Variants in ADAMTS3 observed in about 807,000 individuals in gnomAD.
ADAMTS3 encodes the protein A disintegrin and metalloproteinase with thrombospondin motifs 3.
ADAMTS3 carries 73 observed loss-of-function variants against 129.0 expected under a neutral mutation model. That is an observed-to-expected ratio of 0.57 (90% CI 0.47 to 0.69). The LOEUF is 0.69. ADAMTS3 is among the 30% of genes least tolerant of loss of function. The probability of loss-of-function intolerance (pLI) is 0.00; values close to 1 mark genes in which losing one functional copy is unlikely to be tolerated. For missense variants in ADAMTS3, 1,457 were observed against 1,514.5 expected (o/e 0.96, Z 0.63); for synonymous variants, 477 against 510.8 (o/e 0.93, Z 0.89).
intron 5 of ADAMTS3, among the ~76,000 whole-genome samples, chr4:72,324,887 AG>A: frequency 6.6e-6 from 1 of 152,266 alleles, no homozygotes; most frequent in East Asian, 1.9e-4. Flanking sequence ...AATGGTTAAA[AG>A]CCTGAATGTC....
chr4:72,366,597 T>C (rs948436935), intron 4 of ADAMTS3, among the ~76,000 whole-genome samples: 1 of 152,144 alleles, frequency 6.6e-6, no homozygotes, highest in Non-Finnish European at 1.5e-5. Flanking sequence ...TTATATGCCA[T>C]ATCTAAGGGG....
chr4:72,523,320 T>C (rs1720724083), intron 3 of ADAMTS3, among the ~76,000 whole-genome samples: 1 of 152,072 alleles, frequency 6.6e-6, no homozygotes, highest in Non-Finnish European at 1.5e-5. Flanking sequence ...GCATAATTTC[T>C]AAAGTTCCTT....
At chr4:72,501,944 G>A (rs184870011) in intron 3 of ADAMTS3, among the ~76,000 whole-genome samples, 5 of 55,726 alleles carry the variant, frequency 9.0e-5, no homozygotes, top group Non-Finnish European at 1.5e-4. Flanking sequence ...AACAAACCTC[G>A]CATCCCAGCA....
chr4:72,454,153 G>T (rs911413325), intron 3 of ADAMTS3, among the ~76,000 whole-genome samples: 1 of 151,176 alleles, frequency 6.6e-6, no homozygotes, highest in African/African-American at 2.4e-5. Context: ...AACTCAAAAG[G>T]ACTGTTCATT....
intron 16 of ADAMTS3, among the ~76,000 whole-genome samples, chr4:72,304,450 A>G (rs964672105): frequency 6.6e-6 from 1 of 152,168 alleles, no homozygotes; most frequent in African/African-American, 2.4e-5. Flanking sequence ...AATAATTAAT[A>G]GAAACAATTT....
At chr4:72,301,284 G>A (rs904670316) in intron 17 of ADAMTS3, among the ~76,000 whole-genome samples, 1 of 151,924 alleles carries the variant, frequency 6.6e-6, no homozygotes, top group South Asian at 2.1e-4. Context: ...TTAAAAAATT[G>A]GACTTCGATA....
intron 5 of ADAMTS3, among the ~76,000 whole-genome samples, chr4:72,335,405 C>G (rs556562178): frequency 1.3e-5 from 2 of 152,102 alleles, no homozygotes; most frequent in Non-Finnish European, 2.9e-5. Flanking sequence ...AAAAGGTGGA[C>G]AACTTGCATG....
At chr4:72,377,713 A>T (rs780067152) in intron 4 of ADAMTS3, among the ~76,000 whole-genome samples, 33 of 152,158 alleles carry the variant, frequency 2.2e-4, no homozygotes, top group Non-Finnish European at 5.9e-5. Context: ...AGCCTTGATG[A>T]TCTAAGTGGC....
chr4:72,482,856 A>T (rs534278969), intron 3 of ADAMTS3, among the ~76,000 whole-genome samples: 28 of 152,320 alleles, frequency 1.8e-4, no homozygotes, highest in African/African-American at 6.5e-4. Flanking sequence ...GTCATTGGAA[A>T]ATTGGTCACT....
At chr4:72,503,385 T>A (rs544469983) in intron 3 of ADAMTS3, among the ~76,000 whole-genome samples, 1 of 152,330 alleles carries the variant, frequency 6.6e-6, no homozygotes, top group South Asian at 2.1e-4. Context: ...CAAAAGCAAG[T>A]TGTTTAATTT....
chr4:72,361,919 A>C (rs1720738134), intron 4 of ADAMTS3, among the ~76,000 whole-genome samples: 1 of 152,116 alleles, frequency 6.6e-6, no homozygotes, highest in Non-Finnish European at 1.5e-5. Flanking sequence ...CCTGAGCTTC[A>C]GACTCATATT....
intron 3 of ADAMTS3, among the ~76,000 whole-genome samples, chr4:72,438,217 T>C (rs1035271156): frequency 1.3e-5 from 2 of 151,706 alleles, no homozygotes; most frequent in African/African-American, 4.8e-5. Context: ...CATTGAGTTA[T>C]ATTGTTTATA....
intron 2 of ADAMTS3, among the ~76,000 whole-genome samples, chr4:72,566,581 C>T (rs981923476): frequency 2.6e-5 from 4 of 152,094 alleles, no homozygotes; most frequent in Non-Finnish European, 5.9e-5. Context: ...TAATACTCTG[C>T]CAAAAAGAAA....
At chr4:72,291,843 T>C (rs938016635) in intron 19 of ADAMTS3, among the ~76,000 whole-genome samples, 3 of 152,220 alleles carry the variant, frequency 2.0e-5, no homozygotes, top group Admixed American at 6.5e-5. Flanking sequence ...TCCACAATGG[T>C]TGAACTAGCT....
intron 4 of ADAMTS3, among the ~76,000 whole-genome samples, chr4:72,413,186 C>T (rs1403207784): frequency 6.6e-6 from 1 of 151,854 alleles, no homozygotes; most frequent in African/African-American, 2.4e-5. Context: ...TAATAGGGTA[C>T]AGCCTGATGA....
At chr4:72,340,977 C>T (rs2109833287) in intron 4 of ADAMTS3, among the ~76,000 whole-genome samples, 1 of 152,276 alleles carries the variant, frequency 6.6e-6, no homozygotes, top group South Asian at 2.1e-4. Context: ...AGCTCTGACT[C>T]ATGCTTTATA....
chr4:72,368,459 A>T (rs1042041252), intron 4 of ADAMTS3, among the ~76,000 whole-genome samples: 1 of 152,358 alleles, frequency 6.6e-6, no homozygotes, highest in Non-Finnish European at 1.5e-5. Flanking sequence ...AAGACCAATT[A>T]TATACTTAAT....
At chr4:72,299,097 GTGTACAGACATA>G (rs1718888199) in intron 17 of ADAMTS3, among the ~76,000 whole-genome samples, 1 of 144,076 alleles carries the variant, frequency 6.9e-6, no homozygotes, top group Non-Finnish European at 1.5e-5. Flanking sequence ...GTGTGTGTGT[GTGTACAGACATA>G]TTTACTTTCC....
chr4:72,344,868 C>T (rs1221533900), intron 4 of ADAMTS3, among the ~76,000 whole-genome samples: 1 of 152,084 alleles, frequency 6.6e-6, no homozygotes, highest in Non-Finnish European at 1.5e-5. Flanking sequence ...CCTGGATTAC[C>T]TAAAAACAAA....
Sources: allele counts gnomAD v4.1 joint callset (sites outside exome capture counted in the v4.1 genomes callset), GRCh38; gene constraint gnomAD v4.1.1; transcripts MANE v1.5; gene names NCBI Gene and HGNC (gene_info 2026-07-23, HGNC 2026-07-21).